The following TRPM6 variants were observed in gnomAD, a reference collection of about 807,000 sequenced individuals.
The protein encoded by TRPM6 is channel kinase 2.
In TRPM6, 111 loss-of-function variants were observed where a neutral mutation model predicts 247.6. The observed-to-expected ratio is 0.45, with a 90% CI of 0.38 to 0.52. The LOEUF is 0.52. Among genes scored for constraint, TRPM6 ranks in the 20% least tolerant of loss-of-function variants. The pLI, the probability that TRPM6 is intolerant of heterozygous loss-of-function variation, is 0.00. For synonymous variants in TRPM6, 892 were observed against 853.8 expected (o/e 1.04, Z -0.78); for missense variants, 2,126 against 2,421.5 (o/e 0.88, Z 2.56).
intron 27 of TRPM6, among the ~76,000 whole-genome samples, chr9:74,760,709 T>G (rs1050546511): frequency 5.3e-5 from 8 of 152,234 alleles, no homozygotes; most frequent in African/African-American, 1.7e-4. Context: ...GTGCTATGAT[T>G]TGAACGTTTG....
chr9:74,751,440 C>A (rs1307987790), intron 29 of TRPM6, among the ~76,000 whole-genome samples: 1 of 152,140 alleles, frequency 6.6e-6, no homozygotes, highest in African/African-American at 2.4e-5. Flanking sequence ...TTCCAATTAC[C>A]CTCAAGTAGT....
At chr9:74,869,771 G>C (rs536261569) in intron 1 of TRPM6, among the ~76,000 whole-genome samples, 6 of 152,264 alleles carry the variant, frequency 3.9e-5, no homozygotes, top group African/African-American at 9.6e-5. Flanking sequence ...TGCAATGAGC[G>C]AATGGAAATG....
At position 74,816,734 on chromosome 9, in the gene TRPM6, C is replaced by A. The variant is rs374760193; in HGVS notation, c.1243G>T (p.Ala415Ser). 4 of 1,614,134 alleles carry A rather than the reference C, an allele frequency of 2.5e-6. No homozygotes were observed. Among genetic ancestry groups the A allele is most frequent in the Non-Finnish European group, 3.4e-6 (4 of 1,180,014 alleles). ...ATGTCCACCCTGTCCCAAGCCATTG[C>A]CAGATTTAATTGCTCTGACGCTGAT... ...NLSASEQLNLAMAWDRVDIAK... is the reference protein window; with the variant it reads ...NLSASEQLNLSMAWDRVDIAK... Residue 415 changes from alanine to serine, a missense_variant, in exon 11 of 39, where the codon GCA becomes TCA. Physicochemically the swap from Ala to Ser is moderately conservative, Grantham distance 99. Coordinates refer to ENST00000360774, the MANE Select transcript of TRPM6 (RefSeq NM_017662.5).
chr9:74,821,498 G>A (rs764401055), intron 8 of TRPM6, among the ~76,000 whole-genome samples, 171 bp downstream of exon 8: 1 of 152,114 alleles, frequency 6.6e-6, no homozygotes, highest in African/African-American at 2.4e-5. Context: ...AACTCTCATC[G>A]CTGAAGGGCA....
intron 21 of TRPM6, among the ~76,000 whole-genome samples, 155 bp from the exon 22 acceptor site, chr9:74,783,008 G>A (rs1827517537): frequency 6.6e-6 from 1 of 152,054 alleles, no homozygotes; most frequent in Admixed American, 6.5e-5. Context: ...GACTTTCTTT[G>A]GCTAAACTCT....
chr9:74,823,308 A>G (rs1057311759), intron 7 of TRPM6, among the ~76,000 whole-genome samples: 2 of 152,198 alleles, frequency 1.3e-5, no homozygotes, highest in African/African-American at 4.8e-5. Flanking sequence ...CCACGTTGCT[A>G]AGTACTTCCA....
rs189219884 is a variant in TRPM6, at chr9:74,802,898, C to G, written c.1732-723G>C. 6.6e-5 allele frequency among the ~76,000 whole-genome samples: 10 copies of G among 152,284 alleles called. No homozygotes were observed. In the East Asian group the frequency reaches 1.5e-3, roughly 24 times the overall value. On this transcript the variant is annotated intron_variant, in intron 15 of 38. Transcript: ENST00000360774. ...TGTGTGTCTTTATCTCTGGGCTCAT[C>G]ATACTGCACTACGGTTATGACTTTG...
intron 9 of TRPM6, among the ~76,000 whole-genome samples, chr9:74,817,749 G>C (rs62789960): frequency 1.1e-4 from 16 of 148,592 alleles, no homozygotes; most frequent in Non-Finnish European, 2.4e-4. Context: ...AAGGGGGGGG[G>C]AGTCACCTGT....
chr9:74,853,994 G>A (rs911256957), intron 3 of TRPM6, among the ~76,000 whole-genome samples: 8 of 152,138 alleles, frequency 5.3e-5, no homozygotes, highest in African/African-American at 1.7e-4. Context: ...CTATAATAAT[G>A]AAACAGAGTG....
chr9:74,887,336 G>T (rs935748132), intron 1 of TRPM6: 3 of 1,389,888 alleles, frequency 2.2e-6, no homozygotes, highest in African/African-American at 1.5e-5. Flanking sequence ...TTCTCCAGCC[G>T]CCTCGGAAAG....
At chr9:74,859,626 T>C (rs1371035055) in intron 1 of TRPM6, among the ~76,000 whole-genome samples, 1 of 151,800 alleles carries the variant, frequency 6.6e-6, no homozygotes, top group Admixed American at 6.6e-5. Flanking sequence ...TACAAAAAAT[T>C]AGCTGGGCAT....
intron 27 of TRPM6, among the ~76,000 whole-genome samples, chr9:74,755,970 C>A (rs900971564): frequency 4.6e-5 from 7 of 152,144 alleles, no homozygotes; most frequent in Non-Finnish European, 1.0e-4. Context: ...GTCTCTGAGC[C>A]CCTTTTCCTT....
At chr9:74,835,047 C>T (rs1055284040) in intron 5 of TRPM6, among the ~76,000 whole-genome samples, 1 of 152,134 alleles carries the variant, frequency 6.6e-6, no homozygotes, top group Admixed American at 6.6e-5. Context: ...GTTTACACTC[C>T]CACCAACAGT....
intron 14 of TRPM6, 104 bp downstream of exon 14, chr9:74,807,930 A>T: frequency 7.9e-7 from 1 of 1,259,874 alleles, no homozygotes. Context: ...AAATAAAATG[A>T]CCATTTTAGG....
At chr9:74,744,181 T>A (rs375252303) in intron 31 of TRPM6, 36 bp from the exon 32 acceptor site, 11 of 1,593,048 alleles carry the variant, frequency 6.9e-6, no homozygotes, top group Non-Finnish European at 9.5e-6. Context: ...TTTAATTACA[T>A]GGCTGGAGAT....
At chr9:74,755,319 GT>G in intron 28 of TRPM6, 33 bp downstream of exon 28, 2 of 1,612,942 alleles carry the variant, frequency 1.2e-6, no homozygotes, top group Non-Finnish European at 8.5e-7. Context: ...CCCCACCAGG[GT>G]TTTTGGGATC....
At chr9:74,732,957 G>A (rs893817135) in intron 36 of TRPM6, among the ~76,000 whole-genome samples, 2 of 152,132 alleles carry the variant, frequency 1.3e-5, no homozygotes, top group Admixed American at 6.5e-5. Context: ...TCTTTGGGGG[G>A]TGGAGGTGGG....
chr9:74,774,900 A>G (rs572729537), intron 24 of TRPM6, among the ~76,000 whole-genome samples: 1 of 152,292 alleles, frequency 6.6e-6, no homozygotes, highest in South Asian at 2.1e-4. Context: ...TCTTTCCCCA[A>G]TTTGTGAAGA....
intron 37 of TRPM6, among the ~76,000 whole-genome samples, 178 bp from the exon 38 acceptor site, chr9:74,728,523 C>A (rs1469682361): frequency 1.3e-5 from 2 of 152,188 alleles, no homozygotes; most frequent in Non-Finnish European, 2.9e-5. Flanking sequence ...AATTCAAATG[C>A]ACTTAAATCT....
Sources: allele counts gnomAD v4.1 joint callset (sites outside exome capture counted in the v4.1 genomes callset), GRCh38; gene constraint gnomAD v4.1.1; transcripts MANE v1.5; gene names NCBI Gene and HGNC (gene_info 2026-07-23, HGNC 2026-07-21).